Variants in DDX10 observed in about 807,000 individuals in gnomAD.
The protein encoded by DDX10 is DEAD-box helicase 10.
A neutral mutation model predicts 104.3 loss-of-function variants in DDX10; 74 were observed. The observed-to-expected ratio is 0.71, with a 90% CI of 0.59 to 0.86. DDX10 has a LOEUF of 0.86. Among genes scored for constraint, DDX10 ranks in the 40% least tolerant of loss-of-function variants. The probability of loss-of-function intolerance (pLI) is 0.00; values close to 1 mark genes in which losing one functional copy is unlikely to be tolerated. For synonymous variants in DDX10, 351 were observed against 353.4 expected, an observed-to-expected ratio of 0.99 and a Z score of 0.08; for missense variants, 952 against 1,040.0, an observed-to-expected ratio of 0.92 and a Z score of 1.16.
At chr11:108,668,047 G>C (rs1349435544) in intron 1 of DDX10, among the ~76,000 whole-genome samples, 1 of 152,216 alleles carries the variant, frequency 6.6e-6, no homozygotes, top group Non-Finnish European at 1.5e-5. Context: ...GATGTTGTTT[G>C]CTGTAAGACT....
chr11:108,774,833 C>G (rs573869324), intron 13 of DDX10, among the ~76,000 whole-genome samples: 1 of 152,296 alleles, frequency 6.6e-6, no homozygotes, highest in Middle Eastern at 3.4e-3. Flanking sequence ...CATGCAGCCT[C>G]TCTCCTCTCC....
chr11:108,709,954 T>C (rs554401845), intron 10 of DDX10, among the ~76,000 whole-genome samples: 12 of 152,342 alleles, frequency 7.9e-5, no homozygotes, highest in Middle Eastern at 3.4e-3. Flanking sequence ...TTAGGCTATA[T>C]GGTATAGCCT....
intron 16 of DDX10, among the ~76,000 whole-genome samples, chr11:108,878,314 C>G (rs536546281): frequency 6.6e-6 from 1 of 152,164 alleles, no homozygotes; most frequent in African/African-American, 2.4e-5. Context: ...TTGTGAAGAA[C>G]GAGTTGCCTC....
At chr11:108,902,178 T>C (rs1278145758) in intron 16 of DDX10, among the ~76,000 whole-genome samples, 1 of 152,178 alleles carries the variant, frequency 6.6e-6, no homozygotes, top group Non-Finnish European at 1.5e-5. Context: ...TGGGGGTTGA[T>C]TGACACACAG....
intron 13 of DDX10, among the ~76,000 whole-genome samples, chr11:108,837,508 T>C (rs1862571070): frequency 6.6e-6 from 1 of 151,902 alleles, no homozygotes; most frequent in Non-Finnish European, 1.5e-5. Flanking sequence ...GCAGTGGCTT[T>C]GAATTTTTAG....
At chr11:108,816,797 G>A (rs1212583613) in intron 13 of DDX10, among the ~76,000 whole-genome samples, 2 of 151,956 alleles carry the variant, frequency 1.3e-5, no homozygotes, top group Non-Finnish European at 1.5e-5. Context: ...CAGGTGATCC[G>A]CTCTCTTTGG....
intron 11 of DDX10, 34 bp from the exon 12 acceptor site, chr11:108,719,763 A>G (rs776922798): frequency 8.3e-6 from 11 of 1,319,938 alleles, no homozygotes; most frequent in Admixed American, 3.8e-5. Flanking sequence ...TTTAATTTCT[A>G]TTATATTGTA....
chr11:108,871,123 G>A (rs1319485218), intron 16 of DDX10, among the ~76,000 whole-genome samples: 6 of 152,108 alleles, frequency 3.9e-5, no homozygotes. Flanking sequence ...TACACTTTGT[G>A]TCCAAGTTCA....
intron 13 of DDX10, among the ~76,000 whole-genome samples, chr11:108,769,372 A>G (rs2094360141): frequency 6.6e-6 from 1 of 152,072 alleles, no homozygotes; most frequent in African/African-American, 2.4e-5. Flanking sequence ...GTTTTAACCC[A>G]AGCATTGGTG....
intron 13 of DDX10, among the ~76,000 whole-genome samples, chr11:108,820,009 G>A (rs564987991): frequency 1.3e-5 from 2 of 152,288 alleles, no homozygotes; most frequent in Non-Finnish European, 2.9e-5. Context: ...GAATTGTGGA[G>A]GCCTGAGAAG....
intron 13 of DDX10, among the ~76,000 whole-genome samples, chr11:108,730,616 GTTCACCTCATGAC>G (rs1243363138): frequency 1.3e-5 from 2 of 152,124 alleles, no homozygotes; most frequent in African/African-American, 4.8e-5. Flanking sequence ...ATTTTGTGAA[GTTCACCTCATGAC>G]TTACAGTGGT....
rs571532594 is a variant in DDX10 at position 108,687,002 on chromosome 11, G to T, written c.849-1934G>T. On this transcript the variant is annotated intron_variant, in intron 6 of 17. Transcript: ENST00000322536. ...GGGTCTCACTGTGTTTGCCAGGATG[G>T]TCTCGATCTCCTGACCTCGTGATCT... Among the ~76,000 whole-genome samples the T allele has an allele frequency of 9.2e-5, 14 of 152,148 alleles. No homozygotes were observed. The South Asian group carries it at 2.7e-3, about 29-fold the overall frequency.
At chr11:108,750,559 A>G (rs1373382177) in intron 13 of DDX10, among the ~76,000 whole-genome samples, 1 of 151,878 alleles carries the variant, frequency 6.6e-6, no homozygotes, top group Non-Finnish European at 1.5e-5. Context: ...GATAATGTCT[A>G]TGGGGCCCTT....
At chr11:108,852,828 A>T (rs1565298890) in intron 16 of DDX10, among the ~76,000 whole-genome samples, 1 of 152,208 alleles carries the variant, frequency 6.6e-6, no homozygotes, top group Non-Finnish European at 1.5e-5. Context: ...CATTCTGAGA[A>T]CATTTAGTAG....
intron 16 of DDX10, among the ~76,000 whole-genome samples, chr11:108,877,688 A>G (rs1394591654): frequency 6.6e-6 from 1 of 152,158 alleles, no homozygotes; most frequent in East Asian, 1.9e-4. Context: ...CCTAATCTAA[A>G]CTTGTGGATC....
At position 108,703,951 on chromosome 11, in the gene DDX10, GCATTTTC is replaced by G. The variant is rs371379892; in HGVS notation, c.1224-2776_1224-2770del. 2.0e-3 allele frequency among the ~76,000 whole-genome samples: 310 copies of G among 152,138 alleles called. 1 individual carries two copies. The highest frequency in any genetic ancestry group is 6.9e-3 in the African/African-American group (288 of 41,510). On this transcript the variant is annotated intron_variant, in intron 9 of 17. Coordinates refer to ENST00000322536, the MANE Select transcript of DDX10 (RefSeq NM_004398.4). ...GCTTGCCTTATGGATTTGACTTTGGGCATTTTCCATTTTCCATTGGGAGTCTTTTTCT... is the reference window on the plus strand; with the variant it reads ...GCTTGCCTTATGGATTTGACTTTGGGCATTTTCCATTGGGAGTCTTTTTCT...
At position 108,841,374 on chromosome 11, in the gene DDX10, T is replaced by C. The variant is rs200202338; in HGVS notation, c.2145T>C (p.Asp715=). The C allele has an allele frequency of 2.5e-6, 4 of 1,613,822 alleles. No homozygotes were observed. The African/African-American group carries it at 4.0e-5, about 16-fold the overall frequency. ...CCATCAAGGATGCTGAGGAAGATGA[T>C]GACACAGGTGGTATCAACTTACATA... ...KSAIKDAEED[D]DTGGINLHKA... is the part of the protein sequence containing the mutation. Residue 715 remains aspartate, a synonymous_variant, in exon 15 of 18, where the codon GAT becomes GAC. Coordinates refer to ENST00000322536, the MANE Select transcript of DDX10 (RefSeq NM_004398.4).
chr11:108,850,705 G>A (rs1862779317), intron 15 of DDX10, among the ~76,000 whole-genome samples: 2 of 152,060 alleles, frequency 1.3e-5, no homozygotes, highest in African/African-American at 2.4e-5. Context: ...ATATTGATAC[G>A]GATACAAATA....
At chr11:108,766,534 AC>A (rs1258687590) in intron 13 of DDX10, among the ~76,000 whole-genome samples, 10 of 152,190 alleles carry the variant, frequency 6.6e-5, no homozygotes, top group Admixed American at 6.5e-4. Flanking sequence ...ACACTATGTG[AC>A]GTGTTTGTTT....
Sources: allele counts gnomAD v4.1 joint callset (sites outside exome capture counted in the v4.1 genomes callset), GRCh38; gene constraint gnomAD v4.1.1; transcripts MANE v1.5; gene names NCBI Gene and HGNC (gene_info 2026-07-23, HGNC 2026-07-21).